Variants in SOX6 observed in about 807,000 individuals in gnomAD.
SOX6 encodes the protein transcription factor SOX-6.
A neutral mutation model predicts 97.8 loss-of-function variants in SOX6; 11 were observed. The ratio of observed to expected loss-of-function variants is 0.11; its 90% CI spans 0.07 to 0.19. The LOEUF (loss-of-function observed/expected upper bound fraction) is 0.19. SOX6 is among the 10% of genes least tolerant of loss of function. The pLI, the probability that SOX6 is intolerant of heterozygous loss-of-function variation, is 1.00. For missense variants in SOX6, 810 were observed against 1,039.5 expected, an observed-to-expected ratio of 0.78 and a Z score of 3.04; for synonymous variants, 360 against 371.4, an observed-to-expected ratio of 0.97 and a Z score of 0.35.
At chr11:16,565,727 A>ATT in intron 4 of SOX6, among the ~76,000 whole-genome samples, 1 of 6,374 alleles carries the variant, frequency 1.6e-4, no homozygotes, top group African/African-American at 5.9e-4. Context: ...TAAATAAAAA[A>ATT]AAAAAAAAAA....
chr11:16,055,707 A>G (rs553614103), intron 10 of SOX6, 45 bp downstream of exon 10: 2 of 1,612,790 alleles, frequency 1.2e-6, no homozygotes, highest in Admixed American at 3.3e-5. Flanking sequence ...TTTCTTGTGA[A>G]ACTTTTTTCT....
intron 2 of SOX6, among the ~76,000 whole-genome samples, chr11:16,338,321 T>C (rs1342044986): frequency 6.6e-6 from 1 of 151,976 alleles, no homozygotes; most frequent in Non-Finnish European, 1.5e-5. Flanking sequence ...GTTTATTAAA[T>C]TTTATATTAG....
chr11:16,733,988 C>T (rs1384081214), intron 2 of SOX6, among the ~76,000 whole-genome samples: 1 of 146,638 alleles, frequency 6.8e-6, no homozygotes, highest in Non-Finnish European at 1.5e-5. Context: ...GATCGTGCCA[C>T]TGCACTCTAG....
intron 4 of SOX6, among the ~76,000 whole-genome samples, chr11:16,559,203 A>G (rs868756776): frequency 4.6e-5 from 7 of 152,106 alleles, no homozygotes; most frequent in Non-Finnish European, 8.8e-5. Flanking sequence ...CCTTTAATCA[A>G]TAAAATACCT....
At chr11:16,409,378 C>T (rs192486880) in intron 1 of SOX6, among the ~76,000 whole-genome samples, 1 of 151,538 alleles carries the variant, frequency 6.6e-6, no homozygotes, top group Admixed American at 6.6e-5. Context: ...AATATTTTTC[C>T]TCCCAGTTAA....
intron 9 of SOX6, among the ~76,000 whole-genome samples, chr11:16,078,791 C>A (rs559361020): frequency 6.6e-6 from 1 of 152,128 alleles, no homozygotes. Flanking sequence ...AAGACCTGAG[C>A]TAAGTGAGAG....
chr11:16,478,897 T>C (rs921098475), upstream of SOX6, among the ~76,000 whole-genome samples: 4 of 152,218 alleles, frequency 2.6e-5, no homozygotes, highest in Non-Finnish European at 5.9e-5. Context: ...AATCATTACG[T>C]GTTCTGGAAA....
intron 1 of SOX6, among the ~76,000 whole-genome samples, chr11:16,402,003 C>G (rs975605244): frequency 2.0e-5 from 3 of 151,502 alleles, no homozygotes. Context: ...ACATCACCAC[C>G]AACAACAACC....
At chr11:15,990,800 A>T (rs980182112) in intron 13 of SOX6, among the ~76,000 whole-genome samples, 14 of 152,288 alleles carry the variant, frequency 9.2e-5, no homozygotes, top group African/African-American at 2.9e-4. Context: ...ATACATTAAA[A>T]CCAACATTTC....
At chr11:16,055,269 T>C (rs1847785555) in intron 10 of SOX6, among the ~76,000 whole-genome samples, 1 of 152,198 alleles carries the variant, frequency 6.6e-6, no homozygotes, top group African/African-American at 2.4e-5. Context: ...TCCACATTTA[T>C]AACTAGTTTT....
At chr11:16,021,240 T>A (rs2133870559) in intron 12 of SOX6, among the ~76,000 whole-genome samples, 1 of 152,276 alleles carries the variant, frequency 6.6e-6, no homozygotes, top group Middle Eastern at 3.4e-3. Flanking sequence ...AAAAGGTTTG[T>A]TTTGTTTTGA....
intron 3 of SOX6, among the ~76,000 whole-genome samples, chr11:16,651,028 G>T (rs1417699047): frequency 6.6e-6 from 1 of 151,914 alleles, no homozygotes; most frequent in Non-Finnish European, 1.5e-5. Context: ...ATTTAGAAGA[G>T]ATGGATAAAT....
At chr11:16,637,294 C>A (rs1211377397) in intron 3 of SOX6, among the ~76,000 whole-genome samples, 2 of 152,170 alleles carry the variant, frequency 1.3e-5, no homozygotes, top group Non-Finnish European at 2.9e-5. Flanking sequence ...GATCTCAGCT[C>A]ACTGCACCCT....
chr11:16,466,415 GAC>G (rs1368056865), intron 1 of SOX6, among the ~76,000 whole-genome samples: 3 of 152,030 alleles, frequency 2.0e-5, no homozygotes, highest in African/African-American at 7.2e-5. Flanking sequence ...CTGAATTATA[GAC>G]AGACTGTATT....
chr11:16,421,413 A>T (rs1859019860), intron 1 of SOX6, among the ~76,000 whole-genome samples: 1 of 152,168 alleles, frequency 6.6e-6, no homozygotes, highest in Non-Finnish European at 1.5e-5. Context: ...TGCATAAAAT[A>T]TAGAAAATGT....
chr11:16,550,397 T>C (rs1847669465), intron 4 of SOX6, among the ~76,000 whole-genome samples: 1 of 151,936 alleles, frequency 6.6e-6, no homozygotes. Context: ...CACACCAACA[T>C]GGCATATGTA....
chr11:16,111,948 A>G, intron 6 of SOX6, 25 bp from the exon 7 acceptor site: 1 of 1,611,696 alleles, frequency 6.2e-7, no homozygotes, highest in Non-Finnish European at 8.5e-7. Context: ...AGAGCCTATG[A>G]TCAGACAGGG....
chr11:16,239,627 A>C (rs1342016357), intron 3 of SOX6, among the ~76,000 whole-genome samples: 1 of 152,054 alleles, frequency 6.6e-6, no homozygotes, highest in Non-Finnish European at 1.5e-5. Flanking sequence ...ACAATACTAT[A>C]TTCCGTCCTA....
intron 1 of SOX6, among the ~76,000 whole-genome samples, chr11:16,434,659 T>A (rs577837014): frequency 3.9e-5 from 6 of 152,300 alleles, no homozygotes; most frequent in Admixed American, 1.3e-4. Flanking sequence ...AAGGCCCTTT[T>A]CTATTTGATT....
Sources: gnomAD v4.1 joint callset for allele counts (sites outside exome capture counted in the v4.1 genomes callset) on GRCh38, gnomAD v4.1.1 for gene constraint, MANE v1.5 for transcripts, NCBI Gene and HGNC (gene_info 2026-07-23, HGNC 2026-07-21) for gene names.